Variants in MMS22L observed in about 807,000 individuals in gnomAD.
The protein encoded by MMS22L is MMS22 like, DNA repair protein, also known as protein MMS22-like.
Under a neutral mutation model 159.1 loss-of-function variants are expected in MMS22L, and 74 were observed. That is an observed-to-expected ratio of 0.47 (90% CI 0.39 to 0.56). MMS22L has a LOEUF of 0.56. Ranked by LOEUF, MMS22L falls within the 20% of genes least tolerant of loss-of-function variation. The pLI is 0.00. For missense variants in MMS22L, 1,351 were observed against 1,422.1 expected (o/e 0.95, Z 0.80); for synonymous variants, 517 against 506.9 (o/e 1.02, Z -0.27).
chr6:97,235,890 T>C (rs1343919751), intron 11 of MMS22L, among the ~76,000 whole-genome samples: 1 of 152,096 alleles, frequency 6.6e-6, no homozygotes, highest in African/African-American at 2.4e-5. Context: ...GTCTGAGAGG[T>C]TGAATATGAA....
intron 9 of MMS22L, chr6:97,258,693 G>C (rs1171798570): frequency 3.3e-5 from 5 of 152,054 alleles, no homozygotes; most frequent in Non-Finnish European, 7.4e-5. Context: ...AATTTGTCCA[G>C]TCCAAGAATA....
At chr6:97,199,208 T>C (rs911925663) in intron 14 of MMS22L, among the ~76,000 whole-genome samples, 10 of 152,102 alleles carry the variant, frequency 6.6e-5, no homozygotes, top group African/African-American at 2.4e-4. Context: ...TTATTAAAAG[T>C]AAAGAGCCAA....
At chr6:97,154,683 C>G (rs1200955486) in intron 22 of MMS22L, among the ~76,000 whole-genome samples, 2 of 152,110 alleles carry the variant, frequency 1.3e-5, no homozygotes, top group Non-Finnish European at 2.9e-5. Flanking sequence ...TCTGACCTAG[C>G]AAAATTTGTT....
Position 97,144,108 on chromosome 6 carries a change from A to AACAAC in MMS22L, c.*2697_*2698insGTTGT, listed in dbSNP as rs1800775872. ...AAAACAACAACAACAACAACAACAA[A>AACAAC]AAAAAAAAAAAAAAAAAAAAGAGAG... On this transcript the variant is annotated 3_prime_UTR_variant, in exon 25 of 25. Transcript: ENST00000683635. 1 of 109,524 alleles carries AACAAC rather than the reference A, an allele frequency of 9.1e-6. No individual in the cohort carries two copies. The highest frequency in any genetic ancestry group is 4.0e-5 in the African/African-American group (1 of 25,138). The allele number at this position is 109,524 out of a possible 1,614,324, so 6.8% of individuals were successfully genotyped here.
At chr6:97,163,944 A>G (rs1298452672) in intron 21 of MMS22L, among the ~76,000 whole-genome samples, 1 of 152,086 alleles carries the variant, frequency 6.6e-6, no homozygotes, top group East Asian at 1.9e-4. Flanking sequence ...GATGGATTGC[A>G]GAGAGCTAAG....
intron 14 of MMS22L, among the ~76,000 whole-genome samples, chr6:97,203,294 G>A: frequency 6.7e-6 from 1 of 150,266 alleles, no homozygotes; most frequent in East Asian, 1.9e-4. Flanking sequence ...AACAGGACTG[G>A]TTATTTATTT....
intron 14 of MMS22L, among the ~76,000 whole-genome samples, chr6:97,214,465 A>G (rs1582644305): frequency 2.0e-5 from 3 of 152,334 alleles, no homozygotes; most frequent in Admixed American, 6.5e-5. Flanking sequence ...TTAAAAAAGT[A>G]TATGAATAGT....
Position 97,186,618 on chromosome 6 carries a change from C to T in MMS22L, c.2112G>A (p.Ser704=), listed in dbSNP as rs373677760. 54 of 1,611,412 alleles carry T rather than the reference C, an allele frequency of 3.4e-5. No individual in the cohort carries two copies. The highest frequency in any genetic ancestry group is 3.3e-4 in the Middle Eastern group (2 of 6,072). The change falls in exon 15 of 25, where the codon TCG becomes TCA. Residue 704 remains serine (S), a synonymous_variant. Coordinates refer to ENST00000683635, the MANE Select transcript of MMS22L (RefSeq NM_001350599.2). The part of the protein sequence containing the change: ...NVDLFVQSSL[S]AKERHLAAVA... ...CTGCAGCAAGGTGGCGCTCTTTAGCCGATAATGAAGACTGTACAAATAGGT... is the reference window on the plus strand; with the variant it reads ...CTGCAGCAAGGTGGCGCTCTTTAGCTGATAATGAAGACTGTACAAATAGGT...
chr6:97,223,466 G>A (rs773788283), intron 14 of MMS22L, among the ~76,000 whole-genome samples: 9 of 151,976 alleles, frequency 5.9e-5, no homozygotes, highest in East Asian at 1.9e-4. Flanking sequence ...TAAAGGGGGC[G>A]GCGAGCTTAT....
At chr6:97,172,148 G>A (rs1562414854) in intron 19 of MMS22L, among the ~76,000 whole-genome samples, 1 of 152,064 alleles carries the variant, frequency 6.6e-6, no homozygotes, top group East Asian at 1.9e-4. Context: ...AAGCATGAAT[G>A]CCAATATATT....
intron 6 of MMS22L, chr6:97,270,333 T>C (rs144912754): frequency 2.2e-6 from 1 of 461,348 alleles, no homozygotes; most frequent in African/African-American, 2.0e-5. Flanking sequence ...TAATTTTGTT[T>C]TAGAATTTAG....
chr6:97,169,567 C>A (rs35721420), intron 19 of MMS22L, among the ~76,000 whole-genome samples: 13,651 of 152,068 alleles, frequency 0.09, 1,150 homozygotes, highest in African/African-American at 0.23. Context: ...AAAAACTCAA[C>A]AAATTATCAC....
At chr6:97,215,115 T>TATATATA (rs200134288) in intron 14 of MMS22L, among the ~76,000 whole-genome samples, 5 of 53,494 alleles carry the variant, frequency 9.3e-5, no homozygotes, top group African/African-American at 2.6e-4. Flanking sequence ...TATATATATA[T>TATATATA]TTTTTTTTTG....
chr6:97,168,282 T>C, intron 19 of MMS22L, 42 bp from the exon 20 acceptor site: 2 of 1,566,976 alleles, frequency 1.3e-6, no homozygotes, highest in Non-Finnish European at 8.7e-7. Flanking sequence ...TGTTATCCTC[T>C]GACCAGAACA....
chr6:97,227,705 T>C (rs1324133582), intron 14 of MMS22L, among the ~76,000 whole-genome samples: 1 of 152,312 alleles, frequency 6.6e-6, no homozygotes, highest in Admixed American at 6.5e-5. Context: ...ATTTGTAATA[T>C]GATATTAGGA....
At chr6:97,278,586 CA>C (rs1816467244) in intron 4 of MMS22L, among the ~76,000 whole-genome samples, 1 of 152,134 alleles carries the variant, frequency 6.6e-6, no homozygotes, top group African/African-American at 2.4e-5. Context: ...TCCCTACCTC[CA>C]AAACAAGTAC....
chr6:97,173,349 G>T (rs1803759357), intron 18 of MMS22L, 127 bp from the exon 19 acceptor site: 1 of 734,992 alleles, frequency 1.4e-6, no homozygotes, highest in Non-Finnish European at 2.2e-6. Flanking sequence ...GCCTTCATTT[G>T]TAACCTTCCA....
chr6:97,282,404 T>C lies in MMS22L; in HGVS notation c.74A>G (p.Lys25Arg). Residue 25 changes from lysine (K) to arginine (R), a missense_variant, in exon 2 of 25, where the codon AAA (lysine) becomes AGA (arginine). Physicochemically the swap from Lys to Arg is conservative, Grantham distance 26 (BLOSUM62 2). Transcript: ENST00000683635. ...AACAGCACAAGAAAAGTAAGGAGGT[T>C]TGCACCATTCCGTCCCCAGCTCCAG... ...LELELGTEWC[K>R]PPYFSCAVDN... 6.2e-7 allele frequency: 1 copy of C among 1,614,028 alleles called. No individual in the cohort carries two copies. The highest frequency in any genetic ancestry group is 8.5e-7 in the Non-Finnish European group (1 of 1,179,966).
intron 14 of MMS22L, among the ~76,000 whole-genome samples, chr6:97,194,901 T>A (rs1806316501): frequency 6.6e-6 from 1 of 152,074 alleles, no homozygotes; most frequent in African/African-American, 2.4e-5. Flanking sequence ...CAGCATACGT[T>A]CTAAGCAGTA....
Sources: allele counts gnomAD v4.1 joint callset (sites outside exome capture counted in the v4.1 genomes callset), GRCh38; gene constraint gnomAD v4.1.1; transcripts MANE v1.5; gene names NCBI Gene and HGNC (gene_info 2026-07-23, HGNC 2026-07-21).